FAM25A: variants seen among roughly 807,000 people sequenced by gnomAD.
FAM25A encodes protein FAM25A.
FAM25A carries 5 observed loss-of-function variants against 6.6 expected under a neutral mutation model. The observed-to-expected ratio is 0.75, with a 90% confidence interval of 0.39 to 1.59. The LOEUF (loss-of-function observed/expected upper bound fraction) is 1.59, where lower values mean the gene tolerates loss of function less well. Ranked by LOEUF, FAM25A falls within the 40% of genes most tolerant of loss-of-function variation. The pLI is 0.02. For missense variants in FAM25A, 93 were observed against 109.7 expected, an observed-to-expected ratio of 0.85 and a Z score of 0.68; for synonymous variants, 36 against 41.3, an observed-to-expected ratio of 0.87 and a Z score of 0.49.
intron 1 of FAM25A, among the ~76,000 whole-genome samples, chr10:87,020,835 A>G (rs1474036306): frequency 2.0e-5 from 3 of 152,052 alleles, no homozygotes; most frequent in East Asian, 1.9e-4. Flanking sequence ...TTTTATTTTT[A>G]TTTGTATTTG....
intron 2 of FAM25A, among the ~76,000 whole-genome samples, chr10:87,024,117 A>G (rs2133757510): frequency 6.6e-6 from 1 of 151,708 alleles, no homozygotes; most frequent in African/African-American, 2.4e-5. Flanking sequence ...TAAAGGAAAT[A>G]TTAAGTAAAT....
At chr10:87,022,831 G>A (rs1476425921) in intron 2 of FAM25A, among the ~76,000 whole-genome samples, 56 of 151,826 alleles carry the variant, frequency 3.7e-4, no homozygotes, top group Admixed American at 7.2e-4. Context: ...GGAGGCTGAG[G>A]CAGGAGAATG....
intron 2 of FAM25A, among the ~76,000 whole-genome samples, chr10:87,023,234 AAT>A (rs1435141984): frequency 1.1e-4 from 16 of 152,102 alleles, no homozygotes; most frequent in African/African-American, 3.1e-4. Context: ...AAAAAAAAAA[AAT>A]TTAACATGTA....
At chr10:87,022,232 C>T (rs577124924) in intron 1 of FAM25A, 82 bp from the exon 2 acceptor site, 1 of 1,512,006 alleles carries the variant, frequency 6.6e-7, no homozygotes, top group Middle Eastern at 2.3e-4. Flanking sequence ...GGGCAGTGGG[C>T]CTGCTCTGAG....
intron 1 of FAM25A, 150 bp downstream of exon 1, chr10:87,020,547 G>C: frequency 9.4e-7 from 1 of 1,060,820 alleles, no homozygotes; most frequent in South Asian, 1.6e-5. Context: ...AAGTCAGCAC[G>C]GAGTTGAGGG....
intron 1 of FAM25A, among the ~76,000 whole-genome samples, chr10:87,021,702 C>G (rs1845330722): frequency 5.3e-5 from 8 of 152,186 alleles, no homozygotes; most frequent in Admixed American, 5.2e-4. Context: ...ATGAGGGAAC[C>G]AAGAGGTGGA....
intron 1 of FAM25A, among the ~76,000 whole-genome samples, chr10:87,021,316 C>A (rs1402501608): frequency 6.6e-6 from 1 of 152,220 alleles, no homozygotes; most frequent in East Asian, 1.9e-4. Context: ...CTTTCACTAG[C>A]CTCTGAGTTT....
chr10:87,022,776 A>C (rs569472630), intron 2 of FAM25A, among the ~76,000 whole-genome samples: 289 of 151,376 alleles, frequency 1.9e-3, no homozygotes, highest in Non-Finnish European at 3.3e-3. Flanking sequence ...AATACATAAA[A>C]ATTAGCCGGG....
chr10:87,024,292 G>GA (rs1273557331), intron 2 of FAM25A, among the ~76,000 whole-genome samples: 2 of 152,074 alleles, frequency 1.3e-5, no homozygotes, highest in Admixed American at 6.5e-5. Context: ...GCATTTTCCA[G>GA]AAAAAAGGAT....
Position 87,020,521 on chromosome 10 carries a change from G to T in FAM25A, c.73+124G>T, listed in dbSNP as rs1369853233. On this transcript the variant is annotated intron_variant, in intron 1 of 2. Transcript: ENST00000343959. ...GAGGCCTTGGCCCCTCAGGAACCCT[G>T]GTCCCCTGCTCTACCAAGTCAGCAC... is the stretch of plus-strand genomic sequence containing the variant. The T allele has an allele frequency of 1.3e-5, 16 of 1,279,972 alleles. No homozygotes were observed. In the African/African-American group the frequency reaches 2.3e-4, roughly 18 times the overall value. The allele number at this position is 1,279,972 out of a possible 1,614,324, so 79.3% of individuals were successfully genotyped here.
intron 1 of FAM25A, 30 bp from the exon 2 acceptor site, chr10:87,022,284 C>T (rs1845335856): frequency 3.2e-6 from 5 of 1,548,376 alleles, no homozygotes; most frequent in Admixed American, 3.9e-5. Context: ...TGCTCTGAGC[C>T]CTCACCCTGG....
chr10:87,023,632 A>T (rs1845352152), intron 2 of FAM25A, among the ~76,000 whole-genome samples: 1 of 152,040 alleles, frequency 6.6e-6, no homozygotes, highest in Admixed American at 6.6e-5. Context: ...GAGGCAGGAT[A>T]CTCCCTTGAA....
chr10:87,021,305 C>A (rs1258060400), intron 1 of FAM25A, among the ~76,000 whole-genome samples: 3 of 152,194 alleles, frequency 2.0e-5, no homozygotes, highest in Admixed American at 2.0e-4. Flanking sequence ...CCTGCTTTAA[C>A]CTTTCACTAG....
At chr10:87,020,462 G>T in intron 1 of FAM25A, 65 bp downstream of exon 1, 1 of 1,536,550 alleles carries the variant, frequency 6.5e-7, no homozygotes. Context: ...GTCTGTGGGA[G>T]GCGGATCTAA....
chr10:87,023,705 A>G (rs1341846559), intron 2 of FAM25A, among the ~76,000 whole-genome samples: 1 of 152,204 alleles, frequency 6.6e-6, no homozygotes, highest in Non-Finnish European at 1.5e-5. Flanking sequence ...TTGGTGACAG[A>G]GCAAGACTCT....
At chr10:87,022,693 G>A (rs1419220699) in intron 2 of FAM25A, among the ~76,000 whole-genome samples, 10 of 152,114 alleles carry the variant, frequency 6.6e-5, no homozygotes, top group Non-Finnish European at 1.5e-4. Context: ...TTGGGAGGCT[G>A]AGGAGGGTGG....
intron 1 of FAM25A, among the ~76,000 whole-genome samples, chr10:87,021,435 C>T (rs1321933420): frequency 2.6e-5 from 4 of 152,162 alleles, no homozygotes; most frequent in East Asian, 1.9e-4. Context: ...CTCAAGTAGC[C>T]GTATGTTTCT....
intron 2 of FAM25A, among the ~76,000 whole-genome samples, 183 bp from the exon 3 acceptor site, chr10:87,024,358 G>C (rs1159536484): frequency 6.6e-6 from 1 of 152,112 alleles, no homozygotes; most frequent in East Asian, 1.9e-4. Context: ...TTGAAGAAAT[G>C]CAAGTTGTTG....
In FAM25A at chr10:87,020,375, C is replaced by G. The variant is rs10219136; in HGVS notation, c.51C>G (p.Thr17=). The part of the protein sequence containing the change: ...KLAAEGLAHR[T]EKATEGAIHA... ...CTGCCGAAGGCCTGGCCCACCGCAC[C>G]GAGAAGGCCACCGAGGGAGCCAGTG... is the stretch of plus-strand genomic sequence containing the variant. Residue 17 remains threonine (T), a synonymous_variant, in exon 1 of 3, where the codon ACC becomes ACG. Transcript: ENST00000343959. The G allele has an allele frequency of 2.5e-3, 3,853 of 1,549,424 alleles. 86 individuals are homozygous for G. The African/African-American group carries it at 0.043, about 17-fold the overall frequency.
Sources: gnomAD v4.1 joint callset for allele counts (sites outside exome capture counted in the v4.1 genomes callset) on GRCh38, gnomAD v4.1.1 for gene constraint, MANE v1.5 for transcripts, NCBI Gene and HGNC (gene_info 2026-07-23, HGNC 2026-07-21) for gene names.